The following KDM4B variants were observed in gnomAD, a reference collection of about 807,000 sequenced individuals.
KDM4B encodes lysine demethylase 4B, also known as lysine-specific demethylase 4B.
A neutral mutation model predicts 125.2 loss-of-function variants in KDM4B; 32 were observed. That is an observed-to-expected ratio of 0.26 (90% confidence interval 0.19 to 0.34). KDM4B has a LOEUF of 0.34. Among genes scored for constraint, KDM4B ranks in the 10% least tolerant of loss-of-function variants. KDM4B has a pLI of 1.00. For synonymous variants in KDM4B, 721 were observed against 677.9 expected (o/e 1.06, Z -0.99); for missense variants, 1,190 against 1,577.7 (o/e 0.75, Z 4.16).
intron 2 of KDM4B, among the ~76,000 whole-genome samples, chr19:5,021,159 A>G (rs1421494783): frequency 2.0e-5 from 3 of 151,324 alleles, no homozygotes; most frequent in East Asian, 3.9e-4. Flanking sequence ...AAAAAAAAAG[A>G]AAGAAAACAC....
Position 5,151,900 on chromosome 19 carries a change from AAG to A in KDM4B, c.*390_*391del, listed in dbSNP as rs1232546738. ...ATTGTTTAAAAAAAAGCAAGAAAAA[AAG>A]GAAAACAAAGGAAAATATCCCCAAA... On this transcript the variant is annotated 3_prime_UTR_variant, in exon 23 of 23. Transcript: ENST00000159111. 5.5e-6 allele frequency: 1 copy of A among 182,026 alleles called. No homozygotes were observed. The highest frequency in any genetic ancestry group is 2.3e-5 in the African/African-American group (1 of 42,740). The allele number at this position is 182,026 out of a possible 1,614,324, so 11.3% of individuals were successfully genotyped here.
chr19:5,041,760 C>T (rs890261579), intron 5 of KDM4B, among the ~76,000 whole-genome samples: 3 of 152,230 alleles, frequency 2.0e-5, no homozygotes, highest in Non-Finnish European at 4.4e-5. Context: ...GGCCGGCATC[C>T]CCAGAGTCCC....
intron 2 of KDM4B, among the ~76,000 whole-genome samples, chr19:5,019,711 C>G (rs2036030829): frequency 1.1e-5 from 1 of 93,192 alleles, no homozygotes; most frequent in Admixed American, 1.2e-4. Flanking sequence ...TGTTGGTGTG[C>G]AGGTGGTGTG....
At chr19:5,120,323 A>T (rs756294604) in intron 11 of KDM4B, among the ~76,000 whole-genome samples, 18 of 152,192 alleles carry the variant, frequency 1.2e-4, no homozygotes, top group African/African-American at 2.2e-4. Context: ...AGTATCACAA[A>T]AATAATAATA....
chr19:5,056,765 G>C (rs957467471), intron 6 of KDM4B, among the ~76,000 whole-genome samples: 3 of 152,072 alleles, frequency 2.0e-5, no homozygotes, highest in Non-Finnish European at 4.4e-5. Flanking sequence ...AGACCCTCAC[G>C]GCAGCAGCAC....
chr19:5,110,495 G>C, intron 9 of KDM4B, 127 bp from the exon 10 acceptor site: 1 of 829,514 alleles, frequency 1.2e-6, no homozygotes, highest in Non-Finnish European at 2.0e-6. Context: ...TTCTAGAAGC[G>C]GAATGCTCAG....
chr19:4,995,216 T>C (rs147550136), intron 1 of KDM4B, among the ~76,000 whole-genome samples: 1,934 of 152,314 alleles, frequency 0.013, 36 homozygotes, highest in African/African-American at 0.044. Context: ...TGTTTCTGGC[T>C]TCTTTTCATC....
At chr19:5,067,249 T>C (rs1025929762) in intron 6 of KDM4B, among the ~76,000 whole-genome samples, 1 of 152,154 alleles carries the variant, frequency 6.6e-6, no homozygotes, top group Non-Finnish European at 1.5e-5. Context: ...CCTTAACATT[T>C]CTGACTCTGC....
chr19:4,993,768 G>T (rs1215002827), intron 1 of KDM4B, among the ~76,000 whole-genome samples: 1 of 151,808 alleles, frequency 6.6e-6, no homozygotes, highest in Non-Finnish European at 1.5e-5. Flanking sequence ...GTGTTGCCAC[G>T]CCTGGCTAAT....
intron 10 of KDM4B, chr19:5,111,919 G>A: frequency 2.8e-6 from 2 of 727,160 alleles, no homozygotes; most frequent in Non-Finnish European, 5.1e-6. Context: ...ATTTTTACAT[G>A]CTACCAAATA....
chr19:5,145,965 G>GC (rs2039834733), intron 21 of KDM4B, among the ~76,000 whole-genome samples: 1 of 152,222 alleles, frequency 6.6e-6, no homozygotes, highest in African/African-American at 2.4e-5. Context: ...GAAAGGTCCC[G>GC]CCCGCATCTC....
chr19:5,061,126 C>T (rs2037582715), intron 6 of KDM4B, among the ~76,000 whole-genome samples: 1 of 152,316 alleles, frequency 6.6e-6, no homozygotes, highest in Non-Finnish European at 1.5e-5. Flanking sequence ...GGCGGGCCAC[C>T]CATGGCCACC....
chr19:5,012,709 G>C (rs1441210722), intron 1 of KDM4B, among the ~76,000 whole-genome samples: 10 of 152,220 alleles, frequency 6.6e-5, no homozygotes, highest in Admixed American at 5.9e-4. Context: ...TCAGAGGTAA[G>C]GGCTCTTCTC....
At chr19:5,053,354 C>T (rs968914452) in intron 6 of KDM4B, among the ~76,000 whole-genome samples, 3 of 152,198 alleles carry the variant, frequency 2.0e-5, no homozygotes, top group African/African-American at 7.2e-5. Flanking sequence ...GGCAGGGGAC[C>T]GCAGCCAGGT....
intron 1 of KDM4B, among the ~76,000 whole-genome samples, chr19:4,986,556 C>T (rs140313079): frequency 7.8e-4 from 119 of 152,252 alleles, no homozygotes; most frequent in South Asian, 3.9e-3. Context: ...TGTCCTCCAG[C>T]GTCTCCATGT....
intron 5 of KDM4B, among the ~76,000 whole-genome samples, chr19:5,043,709 T>C (rs1322281887): frequency 1.2e-4 from 17 of 136,782 alleles, no homozygotes; most frequent in African/African-American, 4.7e-4. Flanking sequence ...CGGAGTGCAG[T>C]GTCCGCCATA....
chr19:5,038,536 T>C (rs2036703522), intron 3 of KDM4B, among the ~76,000 whole-genome samples: 1 of 152,230 alleles, frequency 6.6e-6, no homozygotes. Context: ...CAGTGCCGCC[T>C]CTGACAGGTG....
chr19:5,051,448 G>T (rs918824652), intron 6 of KDM4B, among the ~76,000 whole-genome samples: 3 of 152,252 alleles, frequency 2.0e-5, no homozygotes, highest in African/African-American at 7.2e-5. Flanking sequence ...GTGGGCCACC[G>T]CCAAGAGCAG....
chr19:5,107,673 C>A (rs760717749), intron 9 of KDM4B, among the ~76,000 whole-genome samples: 4 of 152,178 alleles, frequency 2.6e-5, no homozygotes, highest in Non-Finnish European at 5.9e-5. Context: ...GGCACGCAGC[C>A]GATCAGAAGA....
Sources: gnomAD v4.1 joint callset for allele counts (sites outside exome capture counted in the v4.1 genomes callset) on GRCh38, gnomAD v4.1.1 for gene constraint, MANE v1.5 for transcripts, NCBI Gene and HGNC (gene_info 2026-07-23, HGNC 2026-07-21) for gene names.